The following UVRAG variants were observed in gnomAD, a reference collection of about 807,000 sequenced individuals.
The protein encoded by UVRAG is UV radiation resistance associated.
Under a neutral mutation model 78.0 loss-of-function variants are expected in UVRAG, and 19 were observed. That is an observed-to-expected ratio of 0.24 (90% CI 0.17 to 0.36). The LOEUF (loss-of-function observed/expected upper bound fraction) is 0.36. Ranked by LOEUF, UVRAG falls within the 10% of genes least tolerant of loss-of-function variation. The pLI is 1.00. For synonymous variants in UVRAG, 323 were observed against 324.6 expected (o/e 1.00, Z 0.05); for missense variants, 740 against 853.8 (o/e 0.87, Z 1.66).
At chr11:75,883,658 T>C (rs1947005963) in intron 4 of UVRAG, among the ~76,000 whole-genome samples, 1 of 152,196 alleles carries the variant, frequency 6.6e-6, no homozygotes. Flanking sequence ...ACAAGGTTCT[T>C]AGACCCGGTG....
chr11:75,835,713 A>G (rs1008435834), intron 1 of UVRAG, among the ~76,000 whole-genome samples: 3 of 152,254 alleles, frequency 2.0e-5, no homozygotes, highest in Non-Finnish European at 4.4e-5. Flanking sequence ...TCTTATTTGA[A>G]GTAAAGAGAC....
At position 76,094,903 on chromosome 11, in the gene UVRAG, A is replaced by G. The variant is rs564881910; in HGVS notation, c.1306-21021A>G. 7.9e-5 allele frequency among the ~76,000 whole-genome samples: 12 copies of G among 152,212 alleles called. No homozygotes were observed. The South Asian group carries it at 2.5e-3, about 32-fold the overall frequency. ...ATTAGGGAACACCTGACATCATTCT[A>G]TTTAGGTCTTTCCTCTTCAGCTTGT... On this transcript the variant is annotated intron_variant, in intron 13 of 14. Transcript: ENST00000356136.
chr11:75,938,281 T>C (rs529814355), intron 6 of UVRAG, among the ~76,000 whole-genome samples: 3 of 152,288 alleles, frequency 2.0e-5, no homozygotes, highest in African/African-American at 7.2e-5. Flanking sequence ...ATTATAGTTG[T>C]AATAACTGTT....
intron 8 of UVRAG, among the ~76,000 whole-genome samples, chr11:75,992,543 T>A (rs187461872): frequency 1.3e-5 from 2 of 152,156 alleles, no homozygotes; most frequent in Admixed American, 6.5e-5. Flanking sequence ...CTTATTCCCA[T>A]TGCGAATGTT....
intron 13 of UVRAG, among the ~76,000 whole-genome samples, chr11:76,074,882 C>G (rs1049891760): frequency 2.0e-5 from 3 of 152,126 alleles, no homozygotes; most frequent in African/African-American, 7.2e-5. Context: ...TCCTTTTACC[C>G]TATTACTTCT....
chr11:75,819,959 AC>A, intron 1 of UVRAG, among the ~76,000 whole-genome samples: 1 of 152,078 alleles, frequency 6.6e-6, no homozygotes. Context: ...CAAGAGCGAA[AC>A]TGTCTAAAAA....
intron 12 of UVRAG, among the ~76,000 whole-genome samples, chr11:76,029,872 T>G (rs1037761695): frequency 2.6e-5 from 4 of 152,162 alleles, no homozygotes; most frequent in African/African-American, 9.7e-5. Context: ...ATTGTCTTAT[T>G]TTAAGAAATT....
intron 3 of UVRAG, among the ~76,000 whole-genome samples, chr11:75,866,060 C>G (rs1193934284): frequency 6.6e-6 from 1 of 151,878 alleles, no homozygotes; most frequent in Non-Finnish European, 1.5e-5. Context: ...AGTTCAAGAC[C>G]AGCCTGGGCA....
chr11:75,887,935 G>A (rs1170898446), intron 4 of UVRAG, among the ~76,000 whole-genome samples: 1 of 152,110 alleles, frequency 6.6e-6, no homozygotes, highest in Admixed American at 6.5e-5. Context: ...AGTTTAATTT[G>A]GGATGCAATG....
chr11:75,904,008 C>G (rs1452620170), intron 5 of UVRAG, among the ~76,000 whole-genome samples: 3 of 152,164 alleles, frequency 2.0e-5, no homozygotes, highest in African/African-American at 7.2e-5. Flanking sequence ...CAGGGATAAG[C>G]AAACTGTAGT....
chr11:76,092,879 C>T (rs1400169042), intron 13 of UVRAG, among the ~76,000 whole-genome samples: 1 of 152,116 alleles, frequency 6.6e-6, no homozygotes, highest in Admixed American at 6.5e-5. Flanking sequence ...GTTGCCATTG[C>T]TTTTGGTGTT....
chr11:76,049,703 A>G (rs1447272847), intron 12 of UVRAG, among the ~76,000 whole-genome samples: 1 of 152,192 alleles, frequency 6.6e-6, no homozygotes, highest in Non-Finnish European at 1.5e-5. Flanking sequence ...CCACAAATAA[A>G]TGTGTTCCAG....
chr11:76,127,821 G>A (rs776365699), intron 14 of UVRAG, among the ~76,000 whole-genome samples: 2 of 151,996 alleles, frequency 1.3e-5, no homozygotes, highest in African/African-American at 2.4e-5. Flanking sequence ...GCCGGACGTG[G>A]TAGTGTATGC....
At chr11:75,847,843 C>T (rs1201084149) in intron 1 of UVRAG, among the ~76,000 whole-genome samples, 2 of 151,594 alleles carry the variant, frequency 1.3e-5, no homozygotes, top group Non-Finnish European at 2.9e-5. Flanking sequence ...TGGTGGTATG[C>T]GCCTACAGTC....
At chr11:75,932,526 T>C (rs974949957) in intron 6 of UVRAG, among the ~76,000 whole-genome samples, 2 of 152,018 alleles carry the variant, frequency 1.3e-5, no homozygotes, top group African/African-American at 2.4e-5. Flanking sequence ...GCTCATGATC[T>C]GCCCGCCTCG....
At chr11:76,070,852 A>T (rs934290804) in intron 13 of UVRAG, among the ~76,000 whole-genome samples, 2 of 152,210 alleles carry the variant, frequency 1.3e-5, no homozygotes, top group Non-Finnish European at 2.9e-5. Context: ...GGAGAGCTAT[A>T]TTGCTTAATG....
At chr11:76,022,996 A>G (rs1316835204) in intron 12 of UVRAG, among the ~76,000 whole-genome samples, 1 of 151,978 alleles carries the variant, frequency 6.6e-6, no homozygotes, top group African/African-American at 2.4e-5. Flanking sequence ...TCTAGTTTGA[A>G]CTGATACCAG....
intron 12 of UVRAG, among the ~76,000 whole-genome samples, chr11:76,059,813 A>C (rs1365085063): frequency 2.0e-5 from 3 of 152,254 alleles, no homozygotes; most frequent in Non-Finnish European, 4.4e-5. Flanking sequence ...ACTAGTCTGG[A>C]CAGGAGAAAG....
chr11:75,823,480 C>T (rs1037553548), intron 1 of UVRAG, among the ~76,000 whole-genome samples: 1 of 152,340 alleles, frequency 6.6e-6, no homozygotes, highest in East Asian at 1.9e-4. Flanking sequence ...CAGGTGCACA[C>T]CACCATGCCT....
Sources: gnomAD v4.1 joint callset for allele counts (sites outside exome capture counted in the v4.1 genomes callset) on GRCh38, gnomAD v4.1.1 for gene constraint, MANE v1.5 for transcripts, NCBI Gene and HGNC (gene_info 2026-07-23, HGNC 2026-07-21) for gene names.